Variants in GRIK1 observed in about 807,000 individuals in gnomAD.
GRIK1 encodes the protein glutamate receptor ionotropic, kainate 1.
Under a neutral mutation model 105.7 loss-of-function variants are expected in GRIK1, and 69 were observed. The observed-to-expected ratio is 0.65, with a 90% CI of 0.54 to 0.80. The LOEUF (loss-of-function observed/expected upper bound fraction) is 0.80. GRIK1 is among the 30% of genes least tolerant of loss of function. The pLI is 0.00. For missense variants in GRIK1, 1,109 were observed against 1,167.3 expected (o/e 0.95, Z 0.73); for synonymous variants, 438 against 431.3 (o/e 1.02, Z -0.19).
chr21:29,560,279 T>TTTTCTTTCTTTCTTTCTTTC (rs56295343), intron 15 of GRIK1, among the ~76,000 whole-genome samples: 3 of 69,948 alleles, frequency 4.3e-5, no homozygotes, highest in Non-Finnish European at 6.2e-5. Context: ...TATGATACAG[T>TTTTCTTTCTTTCTTTCTTTC]TTTCTTTCTT....
In GRIK1 at chr21:29,587,599, C is replaced by T. The variant is rs2091158769; in HGVS notation, c.1570-10G>A. The stretch of plus-strand genomic sequence containing the variant: ...CTGCCAGGTCAGCCCTCTGCAAAAG[C>T]AAGTCCAAAATTGTCAGCTTAGTCT... On this transcript the variant is annotated splice_polypyrimidine_tract_variant and intron_variant, in intron 11 of 17. Coordinates refer to ENST00000327783, the MANE Select transcript of GRIK1 (RefSeq NM_001330994.2). 1.3e-6 allele frequency: 2 copies of T among 1,568,266 alleles called. No individual in the cohort carries two copies. Among genetic ancestry groups the T allele is most frequent in the Non-Finnish European group, 1.8e-6 (2 of 1,140,132 alleles).
chr21:29,663,342 CT>C (rs2063002666), intron 4 of GRIK1, among the ~76,000 whole-genome samples: 1 of 152,290 alleles, frequency 6.6e-6, no homozygotes, highest in African/African-American at 2.4e-5. Flanking sequence ...ATCAATCCAC[CT>C]GCCAGAGTTT....
At chr21:29,568,103 A>G (rs2090653093) in intron 14 of GRIK1, among the ~76,000 whole-genome samples, 1 of 152,194 alleles carries the variant, frequency 6.6e-6, no homozygotes, top group South Asian at 2.1e-4. Context: ...CTAGAGTTAA[A>G]GATTGGTCTA....
intron 1 of GRIK1, among the ~76,000 whole-genome samples, chr21:29,725,492 G>A (rs1486590404): frequency 4.6e-5 from 7 of 152,090 alleles, no homozygotes; most frequent in Non-Finnish European, 1.0e-4. Flanking sequence ...TCCACATATC[G>A]TGCTAGAGCT....
chr21:29,627,159 C>T (rs2062150745), intron 7 of GRIK1, among the ~76,000 whole-genome samples: 1 of 152,186 alleles, frequency 6.6e-6, no homozygotes, highest in Non-Finnish European at 1.5e-5. Context: ...ATTTGTATTG[C>T]AAACATTTAT....
intron 1 of GRIK1, among the ~76,000 whole-genome samples, chr21:29,924,970 T>A (rs78015738): frequency 1.0e-3 from 153 of 152,302 alleles, no homozygotes; most frequent in African/African-American, 3.4e-3. Context: ...CGAATGATGA[T>A]GAGGTGACGT....
At chr21:29,574,515 A>G (rs977714830) in intron 14 of GRIK1, among the ~76,000 whole-genome samples, 4 of 152,162 alleles carry the variant, frequency 2.6e-5, no homozygotes, top group African/African-American at 4.8e-5. Flanking sequence ...GACAAGGACC[A>G]TGATGAATCA....
chr21:29,827,142 G>C (rs999313177), intron 1 of GRIK1, among the ~76,000 whole-genome samples: 1 of 151,996 alleles, frequency 6.6e-6, no homozygotes, highest in Non-Finnish European at 1.5e-5. Flanking sequence ...TGCTTAACTG[G>C]TTAATTATTA....
intron 15 of GRIK1, among the ~76,000 whole-genome samples, chr21:29,560,757 A>G (rs1023056888): frequency 2.6e-5 from 4 of 151,424 alleles, no homozygotes; most frequent in Non-Finnish European, 5.9e-5. Context: ...ACATGGCACC[A>G]CAGCCAGCTA....
intron 1 of GRIK1, among the ~76,000 whole-genome samples, chr21:29,877,311 A>C (rs150066391): frequency 3.6e-4 from 55 of 152,258 alleles, no homozygotes; most frequent in African/African-American, 1.3e-3. Context: ...CATTTATATA[A>C]ATCTATTGCA....
At chr21:29,906,877 A>C (rs2070658548) in intron 1 of GRIK1, among the ~76,000 whole-genome samples, 1 of 152,134 alleles carries the variant, frequency 6.6e-6, no homozygotes, top group Admixed American at 6.5e-5. Context: ...ATGAAGGGTT[A>C]AACTTTGATT....
intron 13 of GRIK1, among the ~76,000 whole-genome samples, chr21:29,580,499 C>T (rs573380856): frequency 7.2e-6 from 1 of 139,276 alleles, no homozygotes; most frequent in East Asian, 2.1e-4. Context: ...CTCTCTCTCT[C>T]TAATTTGAAG....
rs189164563 is a variant in GRIK1, at chr21:29,690,129, C to T, written c.287-144G>A. 6.2e-5 allele frequency: 42 copies of T among 678,220 alleles called. No individual in the cohort carries two copies. In the East Asian group the frequency reaches 9.6e-4, roughly 15 times the overall value. The allele number at this position is 678,220 out of a possible 1,614,324, so 42.0% of individuals were successfully genotyped here. A position where few individuals can be genotyped will look rare whatever the true frequency, so the allele number is the denominator to read the frequency against. On this transcript the variant is annotated intron_variant, in intron 2 of 17. Coordinates refer to ENST00000327783, the MANE Select transcript of GRIK1 (RefSeq NM_001330994.2). ...AAAAATCTTTTACAATCCCTGTCTG[C>T]ATATTGAGGAAATACGGTTGGTCCA... is the stretch of plus-strand genomic sequence containing the variant.
chr21:29,781,695 G>T (rs1254755731), intron 1 of GRIK1, among the ~76,000 whole-genome samples: 2 of 75,876 alleles, frequency 2.6e-5, no homozygotes, highest in Non-Finnish European at 5.3e-5. Flanking sequence ...ACGGAGTCTC[G>T]CTCTGTCGCC....
intron 1 of GRIK1, among the ~76,000 whole-genome samples, chr21:29,905,619 A>ATTTT (rs869179451): frequency 5.2e-4 from 38 of 72,586 alleles, no homozygotes; most frequent in African/African-American, 8.0e-4. Flanking sequence ...CAAATTTTGT[A>ATTTT]TTTTTTTTTT....
intron 1 of GRIK1, among the ~76,000 whole-genome samples, chr21:29,782,243 A>C (rs577850489): frequency 6.6e-4 from 99 of 149,580 alleles, no homozygotes; most frequent in East Asian, 1.2e-3. Flanking sequence ...CCCGCCACCA[A>C]GCCTGGCTAA....
chr21:29,779,424 G>A (rs1358066397), intron 1 of GRIK1, among the ~76,000 whole-genome samples: 2 of 151,000 alleles, frequency 1.3e-5, no homozygotes, highest in African/African-American at 4.9e-5. Flanking sequence ...GATTTTCAGT[G>A]ACATTCAAGT....
At chr21:29,877,844 A>G (rs1246558184) in intron 1 of GRIK1, among the ~76,000 whole-genome samples, 1 of 152,182 alleles carries the variant, frequency 6.6e-6, no homozygotes, top group Admixed American at 6.5e-5. Flanking sequence ...TGGGAGACAG[A>G]GAGATGAGAA....
At chr21:29,741,357 AT>A (rs112827617) in intron 1 of GRIK1, among the ~76,000 whole-genome samples, 8 of 151,864 alleles carry the variant, frequency 5.3e-5, no homozygotes, top group African/African-American at 9.7e-5. Context: ...ACATCAATAC[AT>A]TTTTTTTGTC....
Sources: allele counts gnomAD v4.1 joint callset (sites outside exome capture counted in the v4.1 genomes callset), GRCh38; gene constraint gnomAD v4.1.1; transcripts MANE v1.5; gene names NCBI Gene and HGNC (gene_info 2026-07-23, HGNC 2026-07-21).